Variants in RGS6 observed in about 807,000 individuals in gnomAD.
The protein encoded by RGS6 is regulator of G protein signaling 6, also known as regulator of G-protein signaling 6.
A neutral mutation model predicts 78.5 loss-of-function variants in RGS6; 30 were observed. The ratio of observed to expected loss-of-function variants is 0.38; its 90% CI spans 0.29 to 0.52. The LOEUF (loss-of-function observed/expected upper bound fraction) is 0.52. Among genes scored for constraint, RGS6 ranks in the 20% least tolerant of loss-of-function variants. The probability of loss-of-function intolerance (pLI) is 0.85; values close to 1 mark genes in which losing one functional copy is unlikely to be tolerated. For synonymous variants in RGS6, 206 were observed against 206.0 expected, an observed-to-expected ratio of 1.00 and a Z score of 0.00; for missense variants, 495 against 609.7, an observed-to-expected ratio of 0.81 and a Z score of 1.98.
At chr14:71,994,561 A>G (rs868659233) in intron 2 of RGS6, among the ~76,000 whole-genome samples, 1 of 152,070 alleles carries the variant, frequency 6.6e-6, no homozygotes, top group Admixed American at 6.5e-5. Context: ...TTGACATCCT[A>G]TCCGCCCATG....
intron 2 of RGS6, among the ~76,000 whole-genome samples, chr14:71,965,309 G>A (rs890883528): frequency 1.3e-5 from 2 of 152,210 alleles, no homozygotes; most frequent in Non-Finnish European, 2.9e-5. Context: ...CTGTTATAGA[G>A]TCTAAATGTT....
intron 2 of RGS6, among the ~76,000 whole-genome samples, chr14:72,125,864 C>G (rs1156805643): frequency 6.6e-6 from 1 of 152,104 alleles, no homozygotes; most frequent in African/African-American, 2.4e-5. Context: ...TGGTCTCAGC[C>G]AGTTTGAACT....
chr14:72,000,175 T>C (rs17105604), intron 2 of RGS6, among the ~76,000 whole-genome samples: 5,959 of 152,274 alleles, frequency 0.039, 377 homozygotes, highest in African/African-American at 0.14. Context: ...CAGAATTTTG[T>C]GTAAGTCAGA....
At position 72,377,488 on chromosome 14, in the gene RGS6, T is replaced by G. The variant is rs189448018; in HGVS notation, c.184+25294T>G. 2.9e-3 allele frequency among the ~76,000 whole-genome samples: 438 copies of G among 152,270 alleles called. 2 individuals carry two copies. Among genetic ancestry groups the G allele is most frequent in the African/African-American group, 9.7e-3 (402 of 41,554 alleles). On this transcript the variant is annotated intron_variant, in intron 3 of 17. Coordinates refer to ENST00000553525, the MANE Select transcript of RGS6 (RefSeq NM_001204424.2). ...CCCACTCTCAGCCTTCGACAGATCA[T>G]CTACACAGAAAATCAACAAAGAAAC...
chr14:72,586,899 A>G, the RGS6 span, among the ~76,000 whole-genome samples: 3 of 152,240 alleles, frequency 2.0e-5, no homozygotes, highest in Admixed American at 2.0e-4. Flanking sequence ...ACCAACGAGA[A>G]TAAGAGGCAT....
intron 2 of RGS6, among the ~76,000 whole-genome samples, chr14:72,038,489 C>G (rs1410581332): frequency 6.6e-6 from 1 of 152,106 alleles, no homozygotes; most frequent in Non-Finnish European, 1.5e-5. Context: ...GGGGAAGATT[C>G]ACATCTTCAC....
chr14:72,478,190 C>A, intron 11 of RGS6, 78 bp from the exon 12 acceptor site: 1 of 1,007,020 alleles, frequency 9.9e-7, no homozygotes, highest in Non-Finnish European at 1.5e-6. Context: ...GGTGGAAATG[C>A]AGGATTTGGG....
chr14:72,190,264 A>G (rs906115943), intron 2 of RGS6, among the ~76,000 whole-genome samples: 1 of 152,222 alleles, frequency 6.6e-6, no homozygotes, highest in African/African-American at 2.4e-5. Context: ...GGTAAATGAA[A>G]TCCTCTGCCT....
chr14:72,624,420 C>G, the RGS6 span, among the ~76,000 whole-genome samples: 1 of 149,392 alleles, frequency 6.7e-6, no homozygotes, highest in Non-Finnish European at 1.5e-5. Flanking sequence ...CTCACTGCAG[C>G]CTCCTTCTCC....
At chr14:72,220,850 G>C (rs2046701669) in intron 2 of RGS6, among the ~76,000 whole-genome samples, 1 of 152,130 alleles carries the variant, frequency 6.6e-6, no homozygotes, top group Non-Finnish European at 1.5e-5. Flanking sequence ...TGAAAGATTG[G>C]CTGTGTTTCT....
At chr14:72,599,038 T>C in the RGS6 span, among the ~76,000 whole-genome samples, 5 of 150,838 alleles carry the variant, frequency 3.3e-5, no homozygotes, top group African/African-American at 1.2e-4. Context: ...GGTCTGGGCA[T>C]TGGGAGACCC....
intron 2 of RGS6, among the ~76,000 whole-genome samples, chr14:72,197,895 C>T (rs1169759569): frequency 6.6e-6 from 1 of 151,836 alleles, no homozygotes; most frequent in Non-Finnish European, 1.5e-5. Flanking sequence ...TAGATGCTAA[C>T]CAATGCTCTT....
At chr14:72,069,763 C>G (rs575172559) in intron 2 of RGS6, among the ~76,000 whole-genome samples, 19 of 152,268 alleles carry the variant, frequency 1.2e-4, no homozygotes, top group South Asian at 1.0e-3. Flanking sequence ...TGGTCTTGAA[C>G]TCCTGGGCTC....
At chr14:72,426,614 T>C (rs2094443960) in intron 3 of RGS6, among the ~76,000 whole-genome samples, 1 of 152,258 alleles carries the variant, frequency 6.6e-6, no homozygotes. Context: ...TTAAACAGTT[T>C]TAGTCCGAAT....
At chr14:72,123,865 C>G (rs1015707574) in intron 2 of RGS6, among the ~76,000 whole-genome samples, 8 of 152,138 alleles carry the variant, frequency 5.3e-5, no homozygotes, top group Non-Finnish European at 1.0e-4. Flanking sequence ...TGGAAATGCC[C>G]TCCACTTGAC....
intron 13 of RGS6, among the ~76,000 whole-genome samples, chr14:72,505,620 A>C (rs776916703): frequency 1.3e-5 from 2 of 152,266 alleles, no homozygotes; most frequent in Non-Finnish European, 2.9e-5. Context: ...CAAATGTAGT[A>C]GAAGGCAAGG....
At position 72,059,833 on chromosome 14, in the gene RGS6, G is replaced by T. The variant is rs1233238819; in HGVS notation, c.84+94958G>T. Among the ~76,000 whole-genome samples, 13 of 152,108 alleles carry T rather than the reference G, an allele frequency of 8.5e-5. 1 individual carries two copies. Among genetic ancestry groups the T allele is most frequent in the Admixed American group, 8.5e-4 (13 of 15,268 alleles). ...GGTGGCCATCTGCAAGCCAGGAAGG[G>T]AGGCCTCCCTAGAAGCCAGACACTG... On this transcript the variant is annotated intron_variant, in intron 2 of 17. Transcript: ENST00000553525.
At chr14:72,106,392 T>C (rs1319451537) in intron 2 of RGS6, among the ~76,000 whole-genome samples, 1 of 152,186 alleles carries the variant, frequency 6.6e-6, no homozygotes, top group Non-Finnish European at 1.5e-5. Flanking sequence ...GTGGGGTGTT[T>C]ATTTTAACAG....
chr14:71,934,640 T>G (rs928622370), intron 1 of RGS6, among the ~76,000 whole-genome samples: 29 of 152,232 alleles, frequency 1.9e-4, no homozygotes, highest in Non-Finnish European at 3.8e-4. Flanking sequence ...TATTTTTGAC[T>G]TGCAGAATAA....
Sources: allele counts gnomAD v4.1 joint callset (sites outside exome capture counted in the v4.1 genomes callset), GRCh38; gene constraint gnomAD v4.1.1; transcripts MANE v1.5; gene names NCBI Gene and HGNC (gene_info 2026-07-23, HGNC 2026-07-21).